The following CNTNAP2 variants were observed in gnomAD, a reference collection of about 807,000 sequenced individuals.
CNTNAP2 encodes the protein contactin-associated protein-like 2.
In CNTNAP2, 98 loss-of-function variants were observed where a neutral mutation model predicts 155.2. The ratio of observed to expected loss-of-function variants is 0.63; its 90% CI spans 0.54 to 0.75. The LOEUF is 0.75. Ranked by LOEUF, CNTNAP2 falls within the 30% of genes least tolerant of loss-of-function variation. The probability of loss-of-function intolerance (pLI) is 0.00; values close to 1 mark genes in which losing one functional copy is unlikely to be tolerated. For synonymous variants in CNTNAP2, 651 were observed against 631.2 expected (o/e 1.03, Z -0.47); for missense variants, 1,727 against 1,688.1 (o/e 1.02, Z -0.40).
intron 12 of CNTNAP2, among the ~76,000 whole-genome samples, chr7:147,577,244 G>A (rs188156036): frequency 6.6e-6 from 1 of 152,086 alleles, no homozygotes; most frequent in Non-Finnish European, 1.5e-5. Context: ...TACAATCCCA[G>A]GCCAGCTTAA....
intron 12 of CNTNAP2, among the ~76,000 whole-genome samples, chr7:147,613,697 G>C (rs62481370): frequency 6.6e-6 from 1 of 152,002 alleles, no homozygotes; most frequent in East Asian, 1.9e-4. Flanking sequence ...CAAAAAATTA[G>C]CCAGGCATGG....
intron 22 of CNTNAP2, among the ~76,000 whole-genome samples, chr7:148,400,448 C>G (rs146395312): frequency 2.0e-5 from 3 of 152,260 alleles, no homozygotes; most frequent in Non-Finnish European, 4.4e-5. Flanking sequence ...GGAAAAGAAG[C>G]CGCGACAAAC....
At chr7:147,838,855 C>CT (rs1798674034) in intron 13 of CNTNAP2, among the ~76,000 whole-genome samples, 1 of 152,132 alleles carries the variant, frequency 6.6e-6, no homozygotes, top group African/African-American at 2.4e-5. Flanking sequence ...TTTTTGGTAT[C>CT]TTTTCAGTAG....
intron 4 of CNTNAP2, among the ~76,000 whole-genome samples, chr7:147,062,018 C>T (rs557048408): frequency 6.6e-6 from 1 of 151,240 alleles, no homozygotes; most frequent in East Asian, 2.0e-4. Flanking sequence ...GTCCCAGCTA[C>T]TCAGGAGGCT....
Position 147,653,253 on chromosome 7 carries a change from T to C in CNTNAP2, c.2098+13947T>C, listed in dbSNP as rs140769056. Among the ~76,000 whole-genome samples, 261 of 152,350 alleles carry C rather than the reference T, an allele frequency of 1.7e-3. 3 individuals are homozygous for C. Among genetic ancestry groups the C allele is most frequent in the Middle Eastern group, 0.01 (3 of 294 alleles). On this transcript the variant is annotated intron_variant, in intron 13 of 23. Coordinates refer to ENST00000361727, the MANE Select transcript of CNTNAP2 (RefSeq NM_014141.6). ...TTGATGTTTTCTTTCTTTCTTCTTC[T>C]TCTTCTTTTTTTGATCTTTTCAGAA... is the stretch of plus-strand genomic sequence containing the variant.
intron 15 of CNTNAP2, among the ~76,000 whole-genome samples, chr7:148,065,465 C>G (rs184710722): frequency 1.6e-3 from 238 of 152,186 alleles, no homozygotes; most frequent in African/African-American, 5.6e-3. Context: ...AATTTGGGAT[C>G]CCCAGTGTTA....
intron 9 of CNTNAP2, among the ~76,000 whole-genome samples, chr7:147,340,977 T>A (rs149296138): frequency 1.8e-3 from 267 of 152,200 alleles, no homozygotes; most frequent in African/African-American, 6.1e-3. Context: ...CCCTCTAGGA[T>A]TCCATAAGAA....
At chr7:147,744,716 G>T (rs573077659) in intron 13 of CNTNAP2, among the ~76,000 whole-genome samples, 1 of 152,156 alleles carries the variant, frequency 6.6e-6, no homozygotes, top group African/African-American at 2.4e-5. Context: ...GCTGACGGCT[G>T]CCTTCTTGTT....
chr7:146,839,461 G>A (rs1391102203), intron 2 of CNTNAP2, among the ~76,000 whole-genome samples: 1 of 152,048 alleles, frequency 6.6e-6, no homozygotes, highest in Non-Finnish European at 1.5e-5. Flanking sequence ...TCTAATTGAG[G>A]AATTATGAAG....
chr7:146,597,932 T>C (rs1289196598), intron 1 of CNTNAP2, among the ~76,000 whole-genome samples: 1 of 152,108 alleles, frequency 6.6e-6, no homozygotes. Flanking sequence ...TTTTGGCTCC[T>C]GTTTCTCCTC....
chr7:147,677,007 A>G (rs1795878974), intron 13 of CNTNAP2, among the ~76,000 whole-genome samples: 1 of 151,674 alleles, frequency 6.6e-6, no homozygotes, highest in Non-Finnish European at 1.5e-5. Flanking sequence ...TACAGATTTC[A>G]TTTCCTTTGG....
chr7:146,616,930 G>A (rs1353203815), intron 1 of CNTNAP2, among the ~76,000 whole-genome samples: 4 of 151,914 alleles, frequency 2.6e-5, no homozygotes, highest in African/African-American at 9.7e-5. Context: ...TGTAAAATGT[G>A]TTTAGTTATT....
At chr7:146,849,991 A>G (rs1458272551) in intron 3 of CNTNAP2, among the ~76,000 whole-genome samples, 1 of 152,206 alleles carries the variant, frequency 6.6e-6, no homozygotes, top group Non-Finnish European at 1.5e-5. Flanking sequence ...TCACTTATGC[A>G]TACTGTTTTC....
chr7:147,428,604 C>G (rs879440697), intron 10 of CNTNAP2, among the ~76,000 whole-genome samples: 1 of 152,134 alleles, frequency 6.6e-6, no homozygotes. Flanking sequence ...TTACCACTTT[C>G]TTTTACATAG....
rs1802559332 is a variant in CNTNAP2 at position 148,035,602 on chromosome 7, T to C, written c.2383+57613T>C. On this transcript the variant is annotated intron_variant, in intron 15 of 23. Transcript: ENST00000361727. ...TTAGCTGTGGGGCCATGGTAGCCTC[T>C]ACCTAGATTTCAAAGGATGTGTTGG... is the stretch of plus-strand genomic sequence containing the variant. Among the ~76,000 whole-genome samples the C allele has an allele frequency of 1.3e-5, 2 of 152,194 alleles. 1 individual carries two copies. Among genetic ancestry groups the C allele is most frequent in the African/African-American group, 4.8e-5 (2 of 41,458 alleles).
chr7:147,680,767 CCT>C (rs1795936494), intron 13 of CNTNAP2, among the ~76,000 whole-genome samples: 1 of 151,274 alleles, frequency 6.6e-6, no homozygotes, highest in African/African-American at 2.4e-5. Flanking sequence ...TCTCTGTCTC[CCT>C]CTCTATATAT....
intron 1 of CNTNAP2, among the ~76,000 whole-genome samples, chr7:146,129,289 CT>C (rs1350734366): frequency 1.3e-5 from 2 of 151,990 alleles, no homozygotes; most frequent in Non-Finnish European, 2.9e-5. Context: ...GACATTGTTT[CT>C]TTTATCAAAT....
intron 1 of CNTNAP2, among the ~76,000 whole-genome samples, chr7:146,352,255 A>G (rs1794925972): frequency 6.6e-6 from 1 of 152,204 alleles, no homozygotes; most frequent in Admixed American, 6.5e-5. Flanking sequence ...GTATAAATAT[A>G]GCTGGAATTA....
chr7:147,785,434 A>G (rs1455981752), intron 13 of CNTNAP2, among the ~76,000 whole-genome samples: 1 of 152,166 alleles, frequency 6.6e-6, no homozygotes, highest in Non-Finnish European at 1.5e-5. Context: ...TTGGTGCCCT[A>G]AAACTTACTA....
Sources: gnomAD v4.1 joint callset for allele counts (sites outside exome capture counted in the v4.1 genomes callset) on GRCh38, gnomAD v4.1.1 for gene constraint, MANE v1.5 for transcripts, NCBI Gene and HGNC (gene_info 2026-07-23, HGNC 2026-07-21) for gene names.